Variants in MAPK10 observed in about 807,000 individuals in gnomAD.
MAPK10 encodes the protein mitogen-activated protein kinase 10.
Under a neutral mutation model 59.3 loss-of-function variants are expected in MAPK10, and 25 were observed. That is an observed-to-expected ratio of 0.42 (90% confidence interval 0.31 to 0.59). The LOEUF is 0.59. Ranked by LOEUF, MAPK10 falls within the 20% of genes least tolerant of loss-of-function variation. The pLI is 0.15. For synonymous variants in MAPK10, 190 were observed against 200.5 expected (o/e 0.95, Z 0.44); for missense variants, 351 against 568.9 (o/e 0.62, Z 3.90).
At chr4:86,121,997 G>A (rs772699570) in intron 4 of MAPK10, among the ~76,000 whole-genome samples, 1 of 152,014 alleles carries the variant, frequency 6.6e-6, no homozygotes, top group Non-Finnish European at 1.5e-5. Flanking sequence ...CTGCCATTTA[G>A]TTCATCCCTA....
intron 10 of MAPK10, among the ~76,000 whole-genome samples, chr4:86,066,635 G>C (rs1164225627): frequency 6.6e-6 from 1 of 151,780 alleles, no homozygotes. Flanking sequence ...CGTGGTGGCG[G>C]GCGCCTGTAG....
intron 10 of MAPK10, among the ~76,000 whole-genome samples, chr4:86,066,936 G>A (rs2046865061): frequency 6.6e-6 from 1 of 151,862 alleles, no homozygotes; most frequent in Admixed American, 6.6e-5. Flanking sequence ...AATGTGTTAT[G>A]CTCTTTTCCA....
chr4:86,153,345 AG>A (rs1254202240), intron 4 of MAPK10, among the ~76,000 whole-genome samples: 1 of 152,192 alleles, frequency 6.6e-6, no homozygotes, highest in African/African-American at 2.4e-5. Context: ...AAATCTGCCA[AG>A]AAAAGTGCTC....
chr4:86,167,196 A>G (rs1263244879), intron 3 of MAPK10, among the ~76,000 whole-genome samples: 1 of 152,168 alleles, frequency 6.6e-6, no homozygotes, highest in African/African-American at 2.4e-5. Flanking sequence ...ATAGACCAAT[A>G]CCAAGTTCTG....
At chr4:86,038,026 T>C (rs1314186295) in intron 11 of MAPK10, among the ~76,000 whole-genome samples, 2 of 152,214 alleles carry the variant, frequency 1.3e-5, no homozygotes, top group South Asian at 4.1e-4. Flanking sequence ...TCTTAAACAC[T>C]TTTTTGTCAA....
chr4:86,282,967 T>TAAAA (rs2094869681), intron 2 of MAPK10, among the ~76,000 whole-genome samples: 1 of 152,214 alleles, frequency 6.6e-6, no homozygotes, highest in African/African-American at 2.4e-5. Flanking sequence ...CTTGGCTGTA[T>TAAAA]AAAAGGGTGA....
intron 4 of MAPK10, chr4:86,151,905 G>T (rs2066572318): frequency 6.6e-6 from 1 of 152,194 alleles, no homozygotes; most frequent in Non-Finnish European, 1.5e-5. Flanking sequence ...TAAGTATTTT[G>T]CAACTTATAT....
At chr4:86,265,206 A>C (rs905681842) in intron 2 of MAPK10, among the ~76,000 whole-genome samples, 3 of 152,046 alleles carry the variant, frequency 2.0e-5, no homozygotes, top group South Asian at 2.1e-4. Flanking sequence ...TCCTTTGCCC[A>C]ACAGCCTTAA....
At chr4:86,302,687 T>C (rs1022651026) in intron 2 of MAPK10, among the ~76,000 whole-genome samples, 7 of 152,184 alleles carry the variant, frequency 4.6e-5, no homozygotes, top group Non-Finnish European at 8.8e-5. Context: ...TGCAAAAACA[T>C]CTGAGTCTTA....
intron 9 of MAPK10, among the ~76,000 whole-genome samples, chr4:86,070,826 A>G (rs558522840): frequency 1.3e-5 from 2 of 152,070 alleles, no homozygotes; most frequent in South Asian, 4.2e-4. Flanking sequence ...AGTCTTTGCT[A>G]TTGTGAATAA....
chr4:86,137,041 C>G (rs2062353775), intron 4 of MAPK10, among the ~76,000 whole-genome samples: 1 of 151,536 alleles, frequency 6.6e-6, no homozygotes, highest in Non-Finnish European at 1.5e-5. Flanking sequence ...AAAGCAAGTC[C>G]TGAGTGACCT....
intron 1 of MAPK10, among the ~76,000 whole-genome samples, chr4:86,440,519 T>C (rs1191586981): frequency 6.6e-6 from 1 of 151,704 alleles, no homozygotes; most frequent in Non-Finnish European, 1.5e-5. Context: ...TAGTCTCAGC[T>C]ACTTAGGAGG....
chr4:86,489,408 C>T (rs1290433938), intron 1 of MAPK10, among the ~76,000 whole-genome samples: 2 of 152,140 alleles, frequency 1.3e-5, no homozygotes, highest in Non-Finnish European at 2.9e-5. Flanking sequence ...TTTTCTCCAC[C>T]ATCAAAACTC....
At chr4:86,208,016 T>C (rs2084633016) in intron 2 of MAPK10, among the ~76,000 whole-genome samples, 1 of 152,090 alleles carries the variant, frequency 6.6e-6, no homozygotes, top group Non-Finnish European at 1.5e-5. Context: ...CCTCGACACA[T>C]ACACTCTCCC....
chr4:86,473,987 C>CA (rs1027191491), intron 1 of MAPK10, among the ~76,000 whole-genome samples: 79 of 146,222 alleles, frequency 5.4e-4, no homozygotes, highest in Non-Finnish European at 7.0e-4. Flanking sequence ...TTGTCTCTAC[C>CA]AAAAAAAAAA....
At chr4:86,589,114 A>C (rs1285459567) in intron 1 of MAPK10, among the ~76,000 whole-genome samples, 1 of 152,240 alleles carries the variant, frequency 6.6e-6, no homozygotes, top group African/African-American at 2.4e-5. Context: ...AAAGCCATAA[A>C]AATTTTAAAA....
chr4:86,170,156 C>G (rs534979481), intron 3 of MAPK10, among the ~76,000 whole-genome samples: 1 of 151,284 alleles, frequency 6.6e-6, no homozygotes, highest in Admixed American at 6.6e-5. Flanking sequence ...CATCAACTAA[C>G]GAGCAAAATA....
chr4:86,059,776 A>T lies in MAPK10; in HGVS notation c.1110+4490T>A, dbSNP rs733245. 7.3e-3 allele frequency among the ~76,000 whole-genome samples: 1,109 copies of T among 151,128 alleles called. 13 individuals carry two copies. Among genetic ancestry groups the T allele is most frequent in the African/African-American group, 0.025 (1,036 of 41,194 alleles). ...GTGTCCTTAGATTCCCAAACAAAACATGCCCGCTCTCTCTCTGTGGTCTAC... is the reference window on the plus strand; with the variant it reads ...GTGTCCTTAGATTCCCAAACAAAACTTGCCCGCTCTCTCTCTGTGGTCTAC... On this transcript the variant is annotated intron_variant, in intron 11 of 13. Transcript: ENST00000641462.
At chr4:86,377,509 T>C (rs539164769) in intron 1 of MAPK10, among the ~76,000 whole-genome samples, 3 of 152,248 alleles carry the variant, frequency 2.0e-5, no homozygotes, top group African/African-American at 7.2e-5. Flanking sequence ...GAGTGGGGAG[T>C]ACCTCCCTCA....
Sources: allele counts gnomAD v4.1 joint callset (sites outside exome capture counted in the v4.1 genomes callset), GRCh38; gene constraint gnomAD v4.1.1; transcripts MANE v1.5; gene names NCBI Gene and HGNC (gene_info 2026-07-23, HGNC 2026-07-21).